The following AVPI1 variants were observed in gnomAD, a reference collection of about 807,000 sequenced individuals.
The protein encoded by AVPI1 is arginine vasopressin induced 1.
AVPI1 carries 9 observed loss-of-function variants against 11.9 expected under a neutral mutation model. The ratio of observed to expected loss-of-function variants is 0.76; its 90% CI spans 0.46 to 1.32. The LOEUF (loss-of-function observed/expected upper bound fraction) is 1.32. Ranked by LOEUF, AVPI1 falls within the 40% of genes most tolerant of loss-of-function variation. AVPI1 has a pLI of 0.00. For missense variants in AVPI1, 207 were observed against 195.8 expected (o/e 1.06, Z -0.34); for synonymous variants, 68 against 78.1 (o/e 0.87, Z 0.68).
At chr10:97,682,931 A>G (rs1359352977) in intron 1 of AVPI1, among the ~76,000 whole-genome samples, 2 of 152,256 alleles carry the variant, frequency 1.3e-5, no homozygotes, top group East Asian at 3.8e-4. Context: ...AGAAGACAAC[A>G]GTCGCCAAGT....
chr10:97,679,987 C>G, intron 1 of AVPI1, 72 bp from the exon 2 acceptor site: 1 of 1,354,972 alleles, frequency 7.4e-7, no homozygotes, highest in East Asian at 2.5e-5. Context: ...CTGGCTAATC[C>G]TAGGGCTTCT....
At chr10:97,678,880 GGTGTGTGTGTGTGTGTGTGTGTGTGT>G (rs1255604041) in intron 2 of AVPI1, among the ~76,000 whole-genome samples, 10 of 113,420 alleles carry the variant, frequency 8.8e-5, no homozygotes, top group Middle Eastern at 4.4e-3. Context: ...GCGGGGGGAG[GGTGTGTGTGTGTGTGTGTGTGTGTGT>G]GTGTGTGTGT....
chr10:97,686,542 CA>C (rs796858146), intron 1 of AVPI1, among the ~76,000 whole-genome samples: 99 of 152,292 alleles, frequency 6.5e-4, no homozygotes, highest in African/African-American at 2.3e-3. Flanking sequence ...TGAACCCAGG[CA>C]GTCTGACCCC....
rs1401287163 is a variant in AVPI1, at chr10:97,686,789, G to T, written c.-34C>A. ...ACCACACTGAAGGGCAGCTCCGACA[G>T]ACCTCAAATGGGGATGGGGCAAGCT... On this transcript the variant is annotated 5_prime_UTR_variant, in exon 1 of 3. The change creates a new upstream start codon in the 5' untranslated region. Transcript: ENST00000370626. 1 of 152,482 alleles carries T rather than the reference G, an allele frequency of 6.6e-6. No individual in the cohort carries two copies. Among genetic ancestry groups the T allele is most frequent in the Non-Finnish European group, 1.5e-5 (1 of 68,248 alleles). The allele number at this position is 152,482 out of a possible 1,614,324, so 9.4% of individuals were successfully genotyped here.
At chr10:97,678,384 T>G (rs1219732943) in intron 2 of AVPI1, among the ~76,000 whole-genome samples, 2 of 152,312 alleles carry the variant, frequency 1.3e-5, no homozygotes, top group East Asian at 3.9e-4. Context: ...CAGGACCTGA[T>G]GACCTCCAAA....
Position 97,678,966 on chromosome 10 carries a change from T to TCGCC in AVPI1, c.287+652_287+653insGGCG, listed in dbSNP as rs1225083682. ...GTGTGTGTGTGTGTGTGTGTGTGTGTGTGTGTGTGTGTGTGTGTGTGTGTG... is the reference window on the plus strand; with the variant it reads ...GTGTGTGTGTGTGTGTGTGTGTGTGTCGCCGTGTGTGTGTGTGTGTGTGTGTGTG... On this transcript the variant is annotated intron_variant, in intron 2 of 2. Transcript: ENST00000370626. Among the ~76,000 whole-genome samples the TCGCC allele has an allele frequency of 2.5e-4, 18 of 72,608 alleles. 1 individual carries two copies. Among genetic ancestry groups the TCGCC allele is most frequent in the East Asian group, 6.8e-4 (2 of 2,938 alleles). The allele number at this position is 72,608 out of a possible 152,430, so 47.6% of individuals were successfully genotyped here.
chr10:97,678,364 C>T (rs879302430), intron 2 of AVPI1, among the ~76,000 whole-genome samples: 15 of 152,202 alleles, frequency 9.9e-5, no homozygotes, highest in Admixed American at 7.9e-4. Flanking sequence ...ATGACACTGA[C>T]TTGCCATCTC....
In AVPI1 at chr10:97,679,910, G is replaced by A. The variant is rs149042481; in HGVS notation, c.-5C>T. ...CACCGAGGCTGGGGTACCCATTGTG[G>A]ATGCTCTGAGGATGCAAAGCATGGA... On this transcript the variant is annotated 5_prime_UTR_variant, in exon 2 of 3. Transcript: ENST00000370626. The A allele has an allele frequency of 8.3e-5, 129 of 1,563,400 alleles. No homozygotes were observed. The African/African-American group carries it at 1.4e-3, about 17-fold the overall frequency.
chr10:97,687,170 T>A lies in AVPI1; in HGVS notation c.-415A>T, dbSNP rs1440668653. On this transcript the variant is annotated 5_prime_UTR_variant, in exon 1 of 3. Coordinates refer to ENST00000370626, the MANE Select transcript of AVPI1 (RefSeq NM_021732.3). ...CCCAAACTGGTCCGGGCCACTTGGG[T>A]CACAGCCGCGGTTCCCGGGAGAAAG... is the stretch of plus-strand genomic sequence containing the variant. The A allele has an allele frequency of 1.3e-5, 2 of 152,306 alleles. No homozygotes were observed. The highest frequency in any genetic ancestry group is 2.9e-5 in the Non-Finnish European group (2 of 68,162). The allele number at this position is 152,306 out of a possible 1,614,324, so 9.4% of individuals were successfully genotyped here.
rs112410295 is a variant in AVPI1, at chr10:97,677,964, C to T, written c.349G>A (p.Glu117Lys). 8.1e-6 allele frequency: 13 copies of T among 1,614,152 alleles called. No homozygotes were observed. The highest frequency in any genetic ancestry group is 8.0e-5 in the African/African-American group (6 of 75,038). ...TTCTTCCTAGAGTGCAGATACTGCT[C>T]ACTGGAGGCTGTCTCTGTGGCACTC... ...PQSATETASS[E>K]QYLHSRKKSA... Residue 117 changes from glutamate to lysine, a missense_variant, in exon 3 of 3, where the codon GAG (glutamate) becomes AAG (lysine). Transcript: ENST00000370626.
intron 1 of AVPI1, among the ~76,000 whole-genome samples, chr10:97,686,389 C>T (rs982406396): frequency 4.6e-5 from 7 of 152,202 alleles, no homozygotes; most frequent in Non-Finnish European, 8.8e-5. Context: ...GCAGCTTGTT[C>T]AGTGTCAAGC....
At position 97,677,791 on chromosome 10, in the gene AVPI1, C is replaced by T; in HGVS notation, c.*78G>A. On this transcript the variant is annotated 3_prime_UTR_variant, in exon 3 of 3. Coordinates refer to ENST00000370626, the MANE Select transcript of AVPI1 (RefSeq NM_021732.3). ...TCATTTACCCCTTTGGGCTGCTTGC[C>T]TAAAGTCTCTCTTCCTTCACCTCCC... The T allele has an allele frequency of 6.4e-7, 1 of 1,569,064 alleles. No homozygotes were observed. Among genetic ancestry groups the T allele is most frequent in the Non-Finnish European group, 8.7e-7 (1 of 1,153,322 alleles).
rs1179487292 is a variant in AVPI1 at position 97,677,864 on chromosome 10, C to T, written c.*5G>A. 1.9e-6 allele frequency: 3 copies of T among 1,613,788 alleles called. No homozygotes were observed. Among genetic ancestry groups the T allele is most frequent in the Non-Finnish European group, 2.5e-6 (3 of 1,179,878 alleles). ...GACACTGCCATTCCTGGCTCTTTCC[C>T]TGGATCAGTGTCTGATCTGGTGGAG... On this transcript the variant is annotated 3_prime_UTR_variant, in exon 3 of 3. Coordinates refer to ENST00000370626, the MANE Select transcript of AVPI1 (RefSeq NM_021732.3).
chr10:97,684,113 G>A (rs2041717665), intron 1 of AVPI1, among the ~76,000 whole-genome samples: 1 of 152,128 alleles, frequency 6.6e-6, no homozygotes, highest in Non-Finnish European at 1.5e-5. Context: ...TGGGCCCTGG[G>A]GTTAGCATCT....
At position 97,687,203 on chromosome 10, in the gene AVPI1, T is replaced by C. The variant is rs530008135; in HGVS notation, c.-448A>G. The C allele has an allele frequency of 1.3e-5, 2 of 152,520 alleles. No individual in the cohort carries two copies. Among genetic ancestry groups the C allele is most frequent in the African/African-American group, 2.4e-5 (1 of 41,584 alleles). The allele number at this position is 152,520 out of a possible 1,614,324, so 9.4% of individuals were successfully genotyped here. A position where few individuals can be genotyped will look rare whatever the true frequency, so the allele number is the denominator to read the frequency against. On this transcript the variant is annotated 5_prime_UTR_variant, in exon 1 of 3. Transcript: ENST00000370626. ...GCGGTTCCCGGGAGAAAGCGCTCCC[T>C]AGCCCCGGAACAGCCAATCCTCGGC...
At chr10:97,678,880 GGTGTGTGTGTGTGTGTGTGTGTGTGTGT>G (rs1255604041) in intron 2 of AVPI1, among the ~76,000 whole-genome samples, 11 of 113,426 alleles carry the variant, frequency 9.7e-5, no homozygotes, top group African/African-American at 1.4e-4. Flanking sequence ...GCGGGGGGAG[GGTGTGTGTGTGTGTGTGTGTGTGTGTGT>G]GTGTGTGTGT....
chr10:97,682,159 T>C lies in AVPI1; in HGVS notation c.-10-2244A>G, dbSNP rs575934417. ...ATTTATAAACGCAAATCCTCCTCTG[T>C]TGGCCTCTGTGACCTTTGTACCTGG... On this transcript the variant is annotated intron_variant, in intron 1 of 2. Transcript: ENST00000370626. Among the ~76,000 whole-genome samples, 1,213 of 152,314 alleles carry C rather than the reference T, an allele frequency of 8.0e-3. 7 individuals carry two copies. The highest frequency in any genetic ancestry group is 0.014 in the Non-Finnish European group (955 of 68,026).
At position 97,687,212 on chromosome 10, in the gene AVPI1, A is replaced by G. The variant is rs924331386; in HGVS notation, c.-457T>C. The G allele has an allele frequency of 6.6e-6, 1 of 152,394 alleles. No individual in the cohort carries two copies. Among genetic ancestry groups the G allele is most frequent in the Non-Finnish European group, 1.5e-5 (1 of 68,182 alleles). 9.4% of individuals were successfully genotyped at this position (152,394 alleles called of 1,614,324 possible). A position where few individuals can be genotyped will look rare whatever the true frequency, so the allele number is the denominator to read the frequency against. On this transcript the variant is annotated 5_prime_UTR_variant, in exon 1 of 3. Transcript: ENST00000370626. ...GGGAGAAAGCGCTCCCTAGCCCCGG[A>G]ACAGCCAATCCTCGGCCCTAGCCAG...
intron 1 of AVPI1, among the ~76,000 whole-genome samples, chr10:97,683,302 C>T (rs1365520070): frequency 4.6e-5 from 7 of 152,202 alleles, no homozygotes; most frequent in Middle Eastern, 3.4e-3. Context: ...GGATTACAGG[C>T]GTCCCCCACC....
Sources: allele counts gnomAD v4.1 joint callset (sites outside exome capture counted in the v4.1 genomes callset), GRCh38; gene constraint gnomAD v4.1.1; transcripts MANE v1.5; gene names NCBI Gene and HGNC (gene_info 2026-07-23, HGNC 2026-07-21).